CTNNA2: variants seen among roughly 807,000 people sequenced by gnomAD.
CTNNA2 encodes catenin alpha-2.
In CTNNA2, 42 loss-of-function variants were observed where a neutral mutation model predicts 101.0. The observed-to-expected ratio is 0.42, with a 90% confidence interval of 0.32 to 0.54. The LOEUF (loss-of-function observed/expected upper bound fraction) is 0.54, where lower values mean the gene tolerates loss of function less well. CTNNA2 is among the 20% of genes least tolerant of loss of function. The probability of loss-of-function intolerance (pLI) is 0.14; values close to 1 mark genes in which losing one functional copy is unlikely to be tolerated. For synonymous variants in CTNNA2, 450 were observed against 456.4 expected, an observed-to-expected ratio of 0.99 and a Z score of 0.18; for missense variants, 871 against 1,223.1, an observed-to-expected ratio of 0.71 and a Z score of 4.29.
intron 1 of CTNNA2, chr2:79,547,812 A>G (rs969028192): frequency 6.5e-6 from 1 of 152,746 alleles, no homozygotes; most frequent in Non-Finnish European, 1.5e-5. Flanking sequence ...TTACATATAT[A>G]CAGTTTGTCT....
intron 9 of CTNNA2, among the ~76,000 whole-genome samples, chr2:80,466,861 G>T (rs1684899450): frequency 6.6e-6 from 1 of 152,162 alleles, no homozygotes; most frequent in Admixed American, 6.5e-5. Flanking sequence ...GCTACATTTG[G>T]TATAATAGAT....
At chr2:79,709,911 T>G (rs1386058978) in intron 2 of CTNNA2, among the ~76,000 whole-genome samples, 1 of 152,022 alleles carries the variant, frequency 6.6e-6, no homozygotes, top group Non-Finnish European at 1.5e-5. Flanking sequence ...AAAACACTGG[T>G]CAGGAGTGGG....
intron 4 of CTNNA2, among the ~76,000 whole-genome samples, chr2:79,375,438 T>G (rs1677956909): frequency 1.3e-5 from 2 of 152,194 alleles, no homozygotes; most frequent in Admixed American, 6.5e-5. Context: ...TGCCATGTAA[T>G]TTAGAAGAAA....
At chr2:80,261,444 G>C (rs939566135) in intron 7 of CTNNA2, among the ~76,000 whole-genome samples, 2 of 151,944 alleles carry the variant, frequency 1.3e-5, no homozygotes, top group South Asian at 4.2e-4. Flanking sequence ...AGCAGTTTGC[G>C]TGCTCTCAAG....
intron 13 of CTNNA2, among the ~76,000 whole-genome samples, chr2:80,580,665 G>A (rs1695450910): frequency 6.6e-6 from 1 of 152,128 alleles, no homozygotes; most frequent in Non-Finnish European, 1.5e-5. Context: ...TGGGTATGTG[G>A]TAATCAGTAG....
chr2:80,479,233 C>T (rs1007406606), intron 9 of CTNNA2, among the ~76,000 whole-genome samples: 13 of 151,956 alleles, frequency 8.6e-5, no homozygotes, highest in African/African-American at 2.7e-4. Context: ...CAGTTGTTCT[C>T]GATCAGAGAT....
intron 7 of CTNNA2, among the ~76,000 whole-genome samples, chr2:79,923,526 A>T (rs529537685): frequency 6.6e-6 from 1 of 152,282 alleles, no homozygotes; most frequent in South Asian, 2.1e-4. Flanking sequence ...AATTCTAGAA[A>T]GATTACATCA....
chr2:79,967,356 C>T (rs1390820139), intron 7 of CTNNA2, among the ~76,000 whole-genome samples: 2 of 152,104 alleles, frequency 1.3e-5, no homozygotes, highest in Non-Finnish European at 2.9e-5. Context: ...ACATTCAATG[C>T]ACCTGCAGGT....
chr2:80,147,798 A>C (rs1452520526), intron 7 of CTNNA2, among the ~76,000 whole-genome samples: 2 of 149,960 alleles, frequency 1.3e-5, no homozygotes, highest in Non-Finnish European at 3.0e-5. Flanking sequence ...CAATCTTGTT[A>C]TGATGTTCAT....
chr2:80,145,724 T>C (rs1412494488), intron 7 of CTNNA2, among the ~76,000 whole-genome samples: 1 of 152,180 alleles, frequency 6.6e-6, no homozygotes, highest in African/African-American at 2.4e-5. Context: ...CAGAGAGAAC[T>C]GTTCAGGGTG....
At chr2:80,490,343 G>A (rs1686966699) in intron 9 of CTNNA2, among the ~76,000 whole-genome samples, 1 of 126,176 alleles carries the variant, frequency 7.9e-6, no homozygotes, top group African/African-American at 3.1e-5. Context: ...TACAGTTTCT[G>A]GTCTCTAACA....
chr2:80,639,517 G>GTGTGTGTA (rs745721264), intron 18 of CTNNA2, among the ~76,000 whole-genome samples: 193 of 112,150 alleles, frequency 1.7e-3, no homozygotes, highest in Middle Eastern at 8.9e-3. Flanking sequence ...GCCTTGATGT[G>GTGTGTGTA]TGTGTGTGTG....
At chr2:80,357,271 T>G (rs1673925022) in intron 7 of CTNNA2, among the ~76,000 whole-genome samples, 1 of 149,956 alleles carries the variant, frequency 6.7e-6, no homozygotes, top group South Asian at 2.1e-4. Context: ...TTTTGTTTTT[T>G]TATTTTTTAT....
At chr2:80,209,720 G>T (rs974153821) in intron 7 of CTNNA2, among the ~76,000 whole-genome samples, 5 of 152,050 alleles carry the variant, frequency 3.3e-5, no homozygotes, top group African/African-American at 1.2e-4. Flanking sequence ...TGTACAAAGA[G>T]AAATATTCTG....
At chr2:80,516,970 T>G (rs1689158718) in intron 9 of CTNNA2, among the ~76,000 whole-genome samples, 1 of 152,222 alleles carries the variant, frequency 6.6e-6, no homozygotes, top group Non-Finnish European at 1.5e-5. Context: ...TTGTTTTTGG[T>G]AGAAACTTCT....
At chr2:79,976,494 C>G (rs190871833) in intron 7 of CTNNA2, among the ~76,000 whole-genome samples, 2 of 152,302 alleles carry the variant, frequency 1.3e-5, no homozygotes, top group Admixed American at 1.3e-4. Flanking sequence ...GTGTCTTCTT[C>G]AGGCCTTTCC....
At chr2:80,460,936 A>G (rs1684371017) in intron 9 of CTNNA2, among the ~76,000 whole-genome samples, 1 of 152,214 alleles carries the variant, frequency 6.6e-6, no homozygotes, top group East Asian at 1.9e-4. Flanking sequence ...TATCACATTT[A>G]TAACACATTC....
chr2:79,230,251 A>C (rs1025044354), intron 2 of CTNNA2, among the ~76,000 whole-genome samples: 7 of 152,152 alleles, frequency 4.6e-5, no homozygotes, highest in African/African-American at 1.7e-4. Flanking sequence ...GCATAGGAGG[A>C]AGAAATTGTT....
chr2:80,365,333 C>T, intron 7 of CTNNA2, among the ~76,000 whole-genome samples: 1 of 152,166 alleles, frequency 6.6e-6, no homozygotes, highest in East Asian at 1.9e-4. Flanking sequence ...TCACTGTTGA[C>T]ATGCTGACAG....
Sources: gnomAD v4.1 joint callset for allele counts (sites outside exome capture counted in the v4.1 genomes callset) on GRCh38, gnomAD v4.1.1 for gene constraint, MANE v1.5 for transcripts, NCBI Gene and HGNC (gene_info 2026-07-23, HGNC 2026-07-21) for gene names.